Variants in HPS4 observed in about 807,000 individuals in gnomAD.
HPS4 encodes BLOC-3 complex member HPS4.
Under a neutral mutation model 70.3 loss-of-function variants are expected in HPS4, and 44 were observed. The ratio of observed to expected loss-of-function variants is 0.63; its 90% CI spans 0.49 to 0.80. The LOEUF (loss-of-function observed/expected upper bound fraction) is 0.80, where lower values mean the gene tolerates loss of function less well. Ranked by LOEUF, HPS4 falls within the 30% of genes least tolerant of loss-of-function variation. HPS4 has a pLI of 0.00. For synonymous variants in HPS4, 377 were observed against 355.9 expected (o/e 1.06, Z -0.67); for missense variants, 873 against 884.4 (o/e 0.99, Z 0.16).
chr22:26,461,878 G>A (rs748906218), intron 11 of HPS4, among the ~76,000 whole-genome samples: 1 of 152,172 alleles, frequency 6.6e-6, no homozygotes, highest in South Asian at 2.1e-4. Context: ...TGTAATCCCA[G>A]CACTTTGGGA....
chr22:26,443,330 AT>A (rs2084870962), downstream of HPS4: 1 of 758,906 alleles, frequency 1.3e-6, no homozygotes, highest in East Asian at 2.7e-5. Context: ...GAAAGCTCTT[AT>A]TTGGGATTTT....
chr22:26,455,104 A>C (rs1601788518), intron 13 of HPS4, among the ~76,000 whole-genome samples: 1 of 151,826 alleles, frequency 6.6e-6, no homozygotes, highest in South Asian at 2.1e-4. Context: ...GAGGATGTGG[A>C]GAAATAGGAA....
At chr22:26,467,583 A>C (rs184767249) in intron 8 of HPS4, 1 of 152,376 alleles carries the variant, frequency 6.6e-6, no homozygotes, top group Admixed American at 6.5e-5. Context: ...TGTTTCCCAG[A>C]AAGGCTACTT....
At chr22:26,458,020 C>T (rs1215472521) in intron 12 of HPS4, 53 bp from the exon 13 acceptor site, 18 of 1,369,872 alleles carry the variant, frequency 1.3e-5, no homozygotes, top group Non-Finnish European at 1.8e-5. Context: ...CTTCTGCCCT[C>T]CCACCCCATG....
intron 13 of HPS4, among the ~76,000 whole-genome samples, chr22:26,457,072 A>C (rs929476592): frequency 6.6e-6 from 1 of 152,178 alleles, no homozygotes; most frequent in African/African-American, 2.4e-5. Context: ...AAAACCAAAA[A>C]CCAATAAAAC....
At chr22:26,450,197 T>C (rs560328792), downstream of HPS4, among the ~76,000 whole-genome samples, 2 of 152,266 alleles carry the variant, frequency 1.3e-5, no homozygotes, top group African/African-American at 4.8e-5. Flanking sequence ...ATTCACAGGT[T>C]CTGGGGATTG....
At chr22:26,450,609 C>T (rs1053763271), downstream of HPS4, among the ~76,000 whole-genome samples, 26 of 152,284 alleles carry the variant, frequency 1.7e-4, 1 homozygote, top group African/African-American at 5.8e-4. Flanking sequence ...TGTTCCCACC[C>T]AAATCTCATT....
At chr22:26,464,954 GC>G (rs2088211330) in intron 10 of HPS4, 128 bp from the exon 11 acceptor site, 2 of 792,220 alleles carry the variant, frequency 2.5e-6, no homozygotes, top group Admixed American at 5.8e-5. Flanking sequence ...AGCCTAAGAG[GC>G]CACCAGAGTT....
At chr22:26,459,648 T>TA (rs2086857469) in intron 11 of HPS4, among the ~76,000 whole-genome samples, 2 of 152,138 alleles carry the variant, frequency 1.3e-5, no homozygotes, top group Non-Finnish European at 2.9e-5. Context: ...AGTTCCCAGG[T>TA]AAAAAACATC....
intron 11 of HPS4, among the ~76,000 whole-genome samples, chr22:26,461,062 C>G (rs146296203): frequency 2.0e-5 from 3 of 152,334 alleles, no homozygotes; most frequent in African/African-American, 4.8e-5. Flanking sequence ...CACAACAGCC[C>G]TAGGCAACAC....
At chr22:26,461,514 C>T (rs1028667461) in intron 11 of HPS4, among the ~76,000 whole-genome samples, 2 of 152,112 alleles carry the variant, frequency 1.3e-5, no homozygotes, top group Non-Finnish European at 2.9e-5. Flanking sequence ...TGCCCCTCAC[C>T]CTACCCCTAC....
At chr22:26,469,876 G>T (rs1173631648) in intron 7 of HPS4, among the ~76,000 whole-genome samples, 1 of 152,182 alleles carries the variant, frequency 6.6e-6, no homozygotes, top group Non-Finnish European at 1.5e-5. Flanking sequence ...CAGGGTCTAT[G>T]CTCGGTTCTT....
At chr22:26,458,699 G>A (rs1010496377) in intron 11 of HPS4, 122 bp from the exon 12 acceptor site, 70 of 1,171,202 alleles carry the variant, frequency 6.0e-5, no homozygotes, top group Non-Finnish European at 8.0e-5. Flanking sequence ...GCTCACACCT[G>A]TAATCCCAGT....
intron 11 of HPS4, 63 bp downstream of exon 11, chr22:26,463,854 G>C: frequency 6.5e-7 from 1 of 1,540,502 alleles, no homozygotes; most frequent in South Asian, 1.1e-5. Context: ...ACAGTGCTGT[G>C]AGGGAAGCAC....
chr22:26,447,295 C>A (rs562229210), downstream of HPS4, among the ~76,000 whole-genome samples: 1 of 152,276 alleles, frequency 6.6e-6, no homozygotes, highest in East Asian at 1.9e-4. Flanking sequence ...AGAGAGAAAC[C>A]CACGGAGGCA....
chr22:26,443,442 A>G (rs2084872818), downstream of HPS4: 3 of 470,490 alleles, frequency 6.4e-6, no homozygotes, highest in South Asian at 4.5e-5. Flanking sequence ...CATTTGCTTC[A>G]GAGACTCCTT....
intron 11 of HPS4, among the ~76,000 whole-genome samples, chr22:26,458,890 C>T (rs937035806): frequency 6.6e-6 from 1 of 151,430 alleles, no homozygotes; most frequent in Non-Finnish European, 1.5e-5. Flanking sequence ...TGGACTCTCA[C>T]CAACATTTTT....
chr22:26,481,070 T>C (rs2091235999), intron 2 of HPS4, among the ~76,000 whole-genome samples: 1 of 152,120 alleles, frequency 6.6e-6, no homozygotes, highest in African/African-American at 2.4e-5. Context: ...AAACTCCATG[T>C]GCACCCCATC....
At position 26,452,482 on chromosome 22, in the gene HPS4, C is replaced by T. The variant is rs190837977; in HGVS notation, c.*751G>A. On this transcript the variant is annotated 3_prime_UTR_variant, in exon 14 of 14. Transcript: ENST00000398145. ...ACTCGCTCGAGAGGAACCAGCTGCACGGCCCACTTGTAGTCAAAGGCAGCG... is the reference window on the plus strand; with the variant it reads ...ACTCGCTCGAGAGGAACCAGCTGCATGGCCCACTTGTAGTCAAAGGCAGCG... The T allele has an allele frequency of 3.8e-4, 158 of 414,336 alleles. 1 individual carries two copies. In the East Asian group the frequency reaches 8.8e-3, roughly 23 times the overall value. The allele number at this position is 414,336 out of a possible 1,614,324, so 25.7% of individuals were successfully genotyped here.
Sources: gnomAD v4.1 joint callset for allele counts (sites outside exome capture counted in the v4.1 genomes callset) on GRCh38, gnomAD v4.1.1 for gene constraint, MANE v1.5 for transcripts, NCBI Gene and HGNC (gene_info 2026-07-23, HGNC 2026-07-21) for gene names.